Variants in RAB35 observed in about 807,000 individuals in gnomAD.
RAB35 encodes the protein ras-related protein Rab-35.
Under a neutral mutation model 28.9 loss-of-function variants are expected in RAB35, and 4 were observed. That is an observed-to-expected ratio of 0.14 (90% CI 0.07 to 0.32). RAB35 has a LOEUF of 0.32. Ranked by LOEUF, RAB35 falls within the 10% of genes least tolerant of loss-of-function variation. The pLI is 1.00. For synonymous variants in RAB35, 99 were observed against 105.1 expected (o/e 0.94, Z 0.35); for missense variants, 128 against 274.0 (o/e 0.47, Z 3.76).
intron 1 of RAB35, among the ~76,000 whole-genome samples, chr12:120,115,605 G>T (rs1379003064): frequency 6.6e-6 from 1 of 152,150 alleles, no homozygotes; most frequent in Non-Finnish European, 1.5e-5. Flanking sequence ...CCTTTTCCCA[G>T]AAACCAGTCT....
intron 1 of RAB35, among the ~76,000 whole-genome samples, chr12:120,111,157 C>T (rs994729193): frequency 4.6e-5 from 7 of 152,252 alleles, no homozygotes; most frequent in African/African-American, 9.6e-5. Flanking sequence ...CCTAAACGAA[C>T]GCCCGCCACA....
At chr12:120,111,888 C>T (rs1876132300) in intron 1 of RAB35, among the ~76,000 whole-genome samples, 1 of 152,090 alleles carries the variant, frequency 6.6e-6, no homozygotes, top group Non-Finnish European at 1.5e-5. Context: ...AGTGTCAGGG[C>T]AGGAGCAGAG....
chr12:120,110,290 A>ATTTTTTTGTTTTTTTTTTTTTTTTT (rs1876062365), intron 1 of RAB35, among the ~76,000 whole-genome samples: 1 of 88,596 alleles, frequency 1.1e-5, no homozygotes, highest in Non-Finnish European at 2.0e-5. Context: ...AGCCCACAGC[A>ATTTTTTTGTTTTTTTTTTTTTTTTT]TTTTTTTTTT....
At chr12:120,115,698 A>G (rs1594248993) in intron 1 of RAB35, among the ~76,000 whole-genome samples, 1 of 152,216 alleles carries the variant, frequency 6.6e-6, no homozygotes, top group African/African-American at 2.4e-5. Flanking sequence ...GCACTGTTCT[A>G]GGCACTGGAG....
At position 120,097,332 on chromosome 12, in the gene RAB35, T is replaced by C. The variant is rs1243093260; in HGVS notation, c.519A>G (p.Lys173=). The C allele has an allele frequency of 3.7e-6, 6 of 1,613,570 alleles. No homozygotes were observed. The highest frequency in any genetic ancestry group is 2.2e-5 in the East Asian group (1 of 44,882). ...CITELVLRAK[K]DNLAKQQQQQ... Reference sequence around the variant, plus strand: ...GCTGCTGCTGTTTTGCCAGGTTGTCTTTCTTTGCTCGGAGGACCAGCTCCG... The same window carrying C: ...GCTGCTGCTGTTTTGCCAGGTTGTCCTTCTTTGCTCGGAGGACCAGCTCCG... The change falls in exon 6 of 6, where the codon AAA becomes AAG. Residue 173 remains lysine, a synonymous_variant. Coordinates refer to ENST00000229340, the MANE Select transcript of RAB35 (RefSeq NM_006861.7).
chr12:120,097,753 TA>T (rs1017093329), intron 5 of RAB35, among the ~76,000 whole-genome samples: 14 of 151,850 alleles, frequency 9.2e-5, no homozygotes, highest in Admixed American at 2.6e-4. Context: ...ACTCAACAAA[TA>T]AATAAGTCTG....
intron 2 of RAB35, among the ~76,000 whole-genome samples, chr12:120,105,475 C>T (rs1223698501): frequency 3.3e-5 from 5 of 152,142 alleles, no homozygotes; most frequent in Admixed American, 2.0e-4. Context: ...GGTTCTCAGC[C>T]GGGATGACTG....
intron 1 of RAB35, 197 bp from the exon 2 acceptor site, chr12:120,108,664 T>G: frequency 1.5e-6 from 1 of 689,048 alleles, no homozygotes; most frequent in Non-Finnish European, 2.7e-6. Flanking sequence ...CCCTGACCTT[T>G]TCCTTCGTCC....
chr12:120,108,393 G>A (rs746313321), intron 2 of RAB35, 24 bp downstream of exon 2: 124 of 1,606,038 alleles, frequency 7.7e-5, no homozygotes, highest in Non-Finnish European at 1.0e-4. Flanking sequence ...CGACACCCCA[G>A]CAGCACTGCA....
Position 120,103,263 on chromosome 12 carries a change from C to T in RAB35, c.227+563G>A, listed in dbSNP as rs1376180140. Among the ~76,000 whole-genome samples, 5 of 152,236 alleles carry T rather than the reference C, an allele frequency of 3.3e-5. No homozygotes were observed. Among genetic ancestry groups the T allele is most frequent in the African/African-American group, 1.2e-4 (5 of 41,466 alleles). ...AGCCCAGCTTCCCCCCGGCCTGCAG[C>T]TCAGCCACAAAGGTGGGCAACCGGT... On this transcript the variant is annotated intron_variant, in intron 3 of 5. Transcript: ENST00000229340. The surrounding 1 kb of genome is among the most constrained non-coding windows in gnomAD (Gnocchi z 6.1).
At chr12:120,107,058 A>G (rs1257688885) in intron 2 of RAB35, among the ~76,000 whole-genome samples, 3 of 151,714 alleles carry the variant, frequency 2.0e-5, no homozygotes, top group African/African-American at 7.3e-5. Context: ...GTGCCATCTC[A>G]GCTCACTGCA....
chr12:120,110,289 C>CTTTTTTTTTT (rs1430969524), intron 1 of RAB35, among the ~76,000 whole-genome samples: 3 of 24,968 alleles, frequency 1.2e-4, no homozygotes, highest in African/African-American at 1.9e-4. Flanking sequence ...AAGCCCACAG[C>CTTTTTTTTTT]ATTTTTTTTT....
intron 2 of RAB35, among the ~76,000 whole-genome samples, chr12:120,106,282 G>A (rs1431191014): frequency 6.6e-6 from 1 of 152,184 alleles, no homozygotes; most frequent in African/African-American, 2.4e-5. Context: ...TTCTTAAACA[G>A]AAGGTTAACA....
rs878914461 is a variant in RAB35 at position 120,099,303 on chromosome 12, C to T, written c.228-149G>A. 1,223 of 997,068 alleles carry T rather than the reference C, an allele frequency of 1.2e-3. 1 individual carries two copies. Among genetic ancestry groups the T allele is most frequent in the Admixed American group, 4.0e-3 (154 of 38,716 alleles). 61.8% of individuals were successfully genotyped at this position (997,068 alleles called of 1,614,324 possible). On this transcript the variant is annotated intron_variant, in intron 3 of 5. Coordinates refer to ENST00000229340, the MANE Select transcript of RAB35 (RefSeq NM_006861.7). ...CTCACTCAGCCTCGGCAGATGCCCC[C>T]GAGCCACAACAGGCCAGCAGGAGAG...
intron 1 of RAB35, among the ~76,000 whole-genome samples, chr12:120,114,373 G>A (rs547706431): frequency 8.5e-5 from 13 of 152,348 alleles, no homozygotes; most frequent in Middle Eastern, 3.4e-3. Flanking sequence ...GATTACAGGC[G>A]TGAGCCACCG....
In RAB35 at chr12:120,103,826, G is replaced by A; in HGVS notation, c.227C>T (p.Thr76Met). The change falls in exon 3 of 6, where the codon ACG (threonine) becomes ATG (methionine). Residue 76 changes from threonine to methionine, a missense_variant and splice_region_variant. Transcript: ENST00000229340. The surrounding 1 kb of genome is among the most constrained non-coding windows in gnomAD (Gnocchi z 6.1). Reference protein sequence around the residue: ...GQERFRTITSTYYRGTHGVIV... With the variant: ...GQERFRTITSMYYRGTHGVIV... ...GGTGGGAGTGGGCGTGTGGACTCAC[G>A]TGGAGGTGATGGTGCGGAAGCGCTC... is the stretch of plus-strand genomic sequence containing the variant. 1 of 1,613,958 alleles carries A rather than the reference G, an allele frequency of 6.2e-7. No individual in the cohort carries two copies. The highest frequency in any genetic ancestry group is 8.5e-7 in the Non-Finnish European group (1 of 1,179,968).
chr12:120,112,439 T>TG (rs1876156979), intron 1 of RAB35, among the ~76,000 whole-genome samples: 1 of 152,070 alleles, frequency 6.6e-6, no homozygotes, highest in African/African-American at 2.4e-5. Flanking sequence ...CGATATTTTT[T>TG]TTTTTTTTTG....
At chr12:120,101,283 T>C (rs1004605418) in intron 3 of RAB35, among the ~76,000 whole-genome samples, 2 of 152,180 alleles carry the variant, frequency 1.3e-5, no homozygotes, top group Non-Finnish European at 2.9e-5. Flanking sequence ...GATGGCCATG[T>C]GACCAGCAAG....
intron 1 of RAB35, among the ~76,000 whole-genome samples, chr12:120,114,156 C>T (rs567245222): frequency 3.3e-5 from 5 of 152,108 alleles, no homozygotes; most frequent in African/African-American, 4.8e-5. Flanking sequence ...TGCAATAGTG[C>T]GATCTTGGTT....
Sources: gnomAD v4.1 joint callset for allele counts (sites outside exome capture counted in the v4.1 genomes callset) on GRCh38, gnomAD v4.1.1 for gene constraint, Gnocchi (gnomAD v3.1) non-coding constraint, MANE v1.5 for transcripts, NCBI Gene and HGNC (gene_info 2026-07-23, HGNC 2026-07-21) for gene names.